The following SNTA1 variants were observed in gnomAD, a reference collection of about 807,000 sequenced individuals.
SNTA1 encodes alpha-1-syntrophin.
In SNTA1, 31 loss-of-function variants were observed where a neutral mutation model predicts 47.1. The observed-to-expected ratio is 0.66, with a 90% CI of 0.49 to 0.89. The LOEUF (loss-of-function observed/expected upper bound fraction) is 0.89, where lower values mean the gene tolerates loss of function less well. SNTA1 is among the 40% of genes least tolerant of loss of function. The probability of loss-of-function intolerance (pLI) is 0.00; values close to 1 mark genes in which losing one functional copy is unlikely to be tolerated. For synonymous variants in SNTA1, 300 were observed against 313.6 expected (o/e 0.96, Z 0.46); for missense variants, 575 against 693.0 (o/e 0.83, Z 1.91).
At chr20:33,429,889 A>ATTT (rs1990259065) in intron 2 of SNTA1, among the ~76,000 whole-genome samples, 1 of 152,120 alleles carries the variant, frequency 6.6e-6, no homozygotes, top group African/African-American at 2.4e-5. Flanking sequence ...CAGCATCCCA[A>ATTT]GTAGCTGGGA....
At chr20:33,434,757 C>G (rs1002965412) in intron 2 of SNTA1, among the ~76,000 whole-genome samples, 28 of 151,408 alleles carry the variant, frequency 1.8e-4, no homozygotes, top group African/African-American at 6.6e-4. Flanking sequence ...AAGCTGGTCT[C>G]GAACTCCTGG....
intron 7 of SNTA1, 38 bp from the exon 8 acceptor site, chr20:33,408,637 C>T (rs760229748): frequency 2.7e-5 from 44 of 1,610,380 alleles, no homozygotes; most frequent in Non-Finnish European, 3.7e-5. Flanking sequence ...GGGCCCTGGC[C>T]AGCCTGGCCT....
chr20:33,419,037 A>G (rs866167279), intron 2 of SNTA1, among the ~76,000 whole-genome samples: 2 of 151,894 alleles, frequency 1.3e-5, no homozygotes, highest in African/African-American at 4.8e-5. Flanking sequence ...TCACTTGAAC[A>G]TGGGAAGCAA....
intron 5 of SNTA1, among the ~76,000 whole-genome samples, chr20:33,411,910 T>C (rs1403114149): frequency 6.6e-6 from 1 of 152,176 alleles, no homozygotes; most frequent in Non-Finnish European, 1.5e-5. Flanking sequence ...ACCTCCTCCC[T>C]GAAGCCTTCC....
chr20:33,411,619 C>T (rs769925331), intron 5 of SNTA1, among the ~76,000 whole-genome samples: 37 of 152,180 alleles, frequency 2.4e-4, no homozygotes, highest in Non-Finnish European at 4.7e-4. Flanking sequence ...CAGAGCACCT[C>T]GCTCCCCAGC....
At chr20:33,423,294 G>A (rs892689342) in intron 2 of SNTA1, among the ~76,000 whole-genome samples, 3 of 152,130 alleles carry the variant, frequency 2.0e-5, no homozygotes, top group Admixed American at 6.6e-5. Context: ...TGGGGGCCCC[G>A]GAGTGTGGCC....
intron 2 of SNTA1, among the ~76,000 whole-genome samples, chr20:33,420,050 A>G (rs1989982911): frequency 6.6e-6 from 1 of 151,952 alleles, no homozygotes; most frequent in Non-Finnish European, 1.5e-5. Flanking sequence ...CAGCCTCCCA[A>G]GTAGCTGGGA....
intron 2 of SNTA1, among the ~76,000 whole-genome samples, chr20:33,422,211 C>T (rs916660135): frequency 6.6e-6 from 1 of 151,734 alleles, no homozygotes; most frequent in African/African-American, 2.4e-5. Context: ...GAGGCCGAGG[C>T]GGGTGGATCA....
At chr20:33,416,474 C>A (rs1324567572) in intron 3 of SNTA1, among the ~76,000 whole-genome samples, 4 of 152,186 alleles carry the variant, frequency 2.6e-5, no homozygotes, top group Admixed American at 2.6e-4. Flanking sequence ...GTTGTGTGAT[C>A]TCAAGTAGGT....
chr20:33,434,473 G>A (rs922945199), intron 2 of SNTA1, among the ~76,000 whole-genome samples: 6 of 152,138 alleles, frequency 3.9e-5, no homozygotes, highest in African/African-American at 1.4e-4. Flanking sequence ...TCTTACCCAG[G>A]CCATAGGCAG....
At chr20:33,431,469 C>T (rs958249788) in intron 2 of SNTA1, among the ~76,000 whole-genome samples, 4 of 151,866 alleles carry the variant, frequency 2.6e-5, no homozygotes, top group Admixed American at 6.6e-5. Flanking sequence ...AGGGAAGGGC[C>T]GGGCACGGTG....
At chr20:33,421,375 G>A (rs143968686) in intron 2 of SNTA1, among the ~76,000 whole-genome samples, 1 of 149,954 alleles carries the variant, frequency 6.7e-6, no homozygotes, top group Non-Finnish European at 1.5e-5. Flanking sequence ...ACTTTGGGAG[G>A]CTGAGGCGGG....
chr20:33,434,005 A>G (rs1043451059), intron 2 of SNTA1, among the ~76,000 whole-genome samples: 9 of 152,156 alleles, frequency 5.9e-5, no homozygotes, highest in African/African-American at 2.2e-4. Context: ...CTATCCACTG[A>G]GCTGGAAAAA....
chr20:33,435,383 G>T (rs1990417550), intron 2 of SNTA1, among the ~76,000 whole-genome samples: 1 of 151,470 alleles, frequency 6.6e-6, no homozygotes, highest in South Asian at 2.1e-4. Flanking sequence ...AGATCACTGA[G>T]GCCGGGAGTT....
At chr20:33,427,589 G>C (rs1990199178) in intron 2 of SNTA1, among the ~76,000 whole-genome samples, 1 of 152,114 alleles carries the variant, frequency 6.6e-6, no homozygotes, top group Non-Finnish European at 1.5e-5. Context: ...ACACCCTTGA[G>C]TAGTACAGGG....
In SNTA1 at chr20:33,408,323, T is replaced by G; in HGVS notation, c.*184A>C. The G allele has an allele frequency of 1.6e-6, 1 of 644,092 alleles. No individual in the cohort carries two copies. Among genetic ancestry groups the G allele is most frequent in the Non-Finnish European group, 2.8e-6 (1 of 352,036 alleles). 39.9% of individuals were successfully genotyped at this position (644,092 alleles called of 1,614,324 possible). A position where few individuals can be genotyped will look rare whatever the true frequency, so the allele number is the denominator to read the frequency against. ...CCACCCCATCACAGGCAGAGTCCAC[T>G]CTGTCCTGCGTCTGGGTCCTGGGCC... On this transcript the variant is annotated 3_prime_UTR_variant, in exon 8 of 8. Coordinates refer to ENST00000217381, the MANE Select transcript of SNTA1 (RefSeq NM_003098.3).
At position 33,408,348 on chromosome 20, in the gene SNTA1, C is replaced by T; in HGVS notation, c.*159G>A. The T allele has an allele frequency of 1.5e-6, 1 of 687,222 alleles. No homozygotes were observed. The highest frequency in any genetic ancestry group is 1.6e-5 in the South Asian group (1 of 63,810). 42.6% of individuals were successfully genotyped at this position (687,222 alleles called of 1,614,324 possible). A position where few individuals can be genotyped will look rare whatever the true frequency, so the allele number is the denominator to read the frequency against. On this transcript the variant is annotated 3_prime_UTR_variant, in exon 8 of 8. Transcript: ENST00000217381. ...TCTGTCCTGCGTCTGGGTCCTGGGC[C>T]CCAAGACCAATCCAGTCTCCCTCAG... is the stretch of plus-strand genomic sequence containing the variant.
At chr20:33,415,792 CA>C (rs781029559) in intron 3 of SNTA1, among the ~76,000 whole-genome samples, 1,566 of 130,174 alleles carry the variant, frequency 0.012, 8 homozygotes, top group African/African-American at 0.023. Context: ...GACTCTGTCC[CA>C]AAAAAAAAAA....
chr20:33,427,938 G>A (rs1028519842), intron 2 of SNTA1, among the ~76,000 whole-genome samples: 1 of 151,798 alleles, frequency 6.6e-6, no homozygotes, highest in East Asian at 1.9e-4. Flanking sequence ...TTGTAGACAT[G>A]GGGTCTTGCT....
Sources: allele counts gnomAD v4.1 joint callset (sites outside exome capture counted in the v4.1 genomes callset), GRCh38; gene constraint gnomAD v4.1.1; transcripts MANE v1.5; gene names NCBI Gene and HGNC (gene_info 2026-07-23, HGNC 2026-07-21).